GAD2: variants seen among roughly 807,000 people sequenced by gnomAD.
The protein encoded by GAD2 is 65 kDa glutamic acid decarboxylase.
Under a neutral mutation model 80.1 loss-of-function variants are expected in GAD2, and 22 were observed. The observed-to-expected ratio is 0.27, with a 90% CI of 0.20 to 0.39. The LOEUF is 0.39. Ranked by LOEUF, GAD2 falls within the 10% of genes least tolerant of loss-of-function variation. The pLI is 1.00. For synonymous variants in GAD2, 274 were observed against 256.9 expected, an observed-to-expected ratio of 1.07 and a Z score of -0.64; for missense variants, 624 against 738.4, an observed-to-expected ratio of 0.85 and a Z score of 1.80.
At chr10:26,293,059 C>A in intron 15 of GAD2, 68 bp downstream of exon 15, 1 of 1,288,618 alleles carries the variant, frequency 7.8e-7, no homozygotes, top group Non-Finnish European at 1.1e-6. Context: ...TTCTTTATGA[C>A]ATATGCCTGT....
chr10:26,224,013 T>A (rs754663214), intron 5 of GAD2, 36 bp downstream of exon 5: 1 of 1,402,666 alleles, frequency 7.1e-7, no homozygotes, highest in Admixed American at 1.7e-5. Flanking sequence ...TAATTTAGGA[T>A]AATTATTAGT....
rs1244095413 is a variant in GAD2, at chr10:26,300,975, C to A, written c.*14C>A. 6.2e-7 allele frequency: 1 copy of A among 1,605,012 alleles called. No individual in the cohort carries two copies. The highest frequency in any genetic ancestry group is 1.3e-5 in the African/African-American group (1 of 74,834). On this transcript the variant is annotated 3_prime_UTR_variant, in exon 16 of 16. Coordinates refer to ENST00000376261, the MANE Select transcript of GAD2 (RefSeq NM_001134366.2). ...CAAGATTTATAATAACCTTGCTCACCAAGCTGTTCCACTTCTCTAGGTAGA... is the reference window on the plus strand; with the variant it reads ...CAAGATTTATAATAACCTTGCTCACAAAGCTGTTCCACTTCTCTAGGTAGA...
intron 13 of GAD2, among the ~76,000 whole-genome samples, chr10:26,290,642 G>A (rs1359818513): frequency 1.3e-5 from 2 of 152,174 alleles, no homozygotes; most frequent in African/African-American, 4.8e-5. Context: ...CAAAAGCACT[G>A]TCTCTGGGGC....
intron 7 of GAD2, among the ~76,000 whole-genome samples, chr10:26,237,302 G>A (rs1564659199): frequency 6.6e-6 from 1 of 152,166 alleles, no homozygotes; most frequent in Non-Finnish European, 1.5e-5. Flanking sequence ...GATATATCCT[G>A]TGAGCTTTGG....
chr10:26,218,101 A>G (rs8190597), intron 3 of GAD2, 110 bp downstream of exon 3: 129,566 of 1,194,232 alleles, frequency 0.11, 13,941 homozygotes, highest in African/African-American at 0.55. Flanking sequence ...TCGAGGTGGC[A>G]GCGGAGGCGG....
At chr10:26,283,937 A>C (rs904075311) in intron 12 of GAD2, among the ~76,000 whole-genome samples, 6 of 152,212 alleles carry the variant, frequency 3.9e-5, no homozygotes, top group African/African-American at 1.2e-4. Flanking sequence ...TGACAGCAAA[A>C]TCAGAACATC....
intron 8 of GAD2, among the ~76,000 whole-genome samples, chr10:26,258,459 A>G (rs1162422859): frequency 3.9e-5 from 6 of 152,186 alleles, no homozygotes; most frequent in Non-Finnish European, 5.9e-5. Context: ...TTGTCGTGCA[A>G]CCATCATCAA....
intron 6 of GAD2, among the ~76,000 whole-genome samples, chr10:26,225,058 G>T (rs1844503646): frequency 6.6e-6 from 1 of 151,322 alleles, no homozygotes; most frequent in Non-Finnish European, 1.5e-5. Flanking sequence ...AGGGTGCATA[G>T]CAAGGTATAT....
chr10:26,216,766 C>A (rs1336781464), upstream of GAD2: 2 of 1,557,320 alleles, frequency 1.3e-6, no homozygotes, highest in Admixed American at 3.4e-5. This position sits in a 1 kb window ranked among gnomAD's most constrained non-coding sequence, Gnocchi z 4.7. Flanking sequence ...GCAGCTCGCC[C>A]GCAGCTCGCA....
intron 6 of GAD2, among the ~76,000 whole-genome samples, chr10:26,226,226 C>A (rs1844520679): frequency 6.6e-6 from 1 of 152,150 alleles, no homozygotes; most frequent in African/African-American, 2.4e-5. Flanking sequence ...CCTAATTTAC[C>A]TGGCTGGTCT....
At chr10:26,295,292 C>A (rs539798090) in intron 15 of GAD2, among the ~76,000 whole-genome samples, 1 of 152,186 alleles carries the variant, frequency 6.6e-6, no homozygotes, top group Admixed American at 6.5e-5. Context: ...CCGGGGATTG[C>A]AGAATGAATT....
chr10:26,234,408 T>A (rs1049237599), intron 7 of GAD2, among the ~76,000 whole-genome samples: 2 of 152,164 alleles, frequency 1.3e-5, no homozygotes, highest in African/African-American at 2.4e-5. Context: ...GGGGATACTT[T>A]GCCCATGGTG....
At chr10:26,218,726 GA>G (rs1844416423) in intron 3 of GAD2, among the ~76,000 whole-genome samples, 1 of 152,158 alleles carries the variant, frequency 6.6e-6, no homozygotes, top group Non-Finnish European at 1.5e-5. Context: ...GGTTTACTGA[GA>G]AACACGTTTA....
Position 26,286,368 on chromosome 10 carries a change from A to T in GAD2, c.1260A>T (p.Gln420His), listed in dbSNP as rs1266397210. ...REEGLMQNCNQMHASYLFQQD... is the reference protein window; with the variant it reads ...REEGLMQNCNHMHASYLFQQD... ...AGGGATTGATGCAGAATTGCAACCA[A>T]ATGCATGCCTCCTACCTCTTTCAGC... Residue 420 changes from glutamine to histidine, a missense_variant, in exon 13 of 16, where the codon CAA becomes CAT. Coordinates refer to ENST00000376261, the MANE Select transcript of GAD2 (RefSeq NM_001134366.2). 6.2e-7 allele frequency: 1 copy of T among 1,613,570 alleles called. No individual in the cohort carries two copies. Among genetic ancestry groups the T allele is most frequent in the African/African-American group, 1.3e-5 (1 of 74,910 alleles).
At chr10:26,286,562 A>C (rs1413835142) in intron 13 of GAD2, 68 bp downstream of exon 13, 1 of 1,431,394 alleles carries the variant, frequency 7.0e-7, no homozygotes, top group Non-Finnish European at 9.3e-7. Context: ...CCCATTATGA[A>C]ATGTCAAAAA....
chr10:26,279,919 G>A (rs1357908374), intron 11 of GAD2, among the ~76,000 whole-genome samples: 1 of 152,226 alleles, frequency 6.6e-6, no homozygotes, highest in Admixed American at 6.5e-5. Flanking sequence ...ACGCATCTGA[G>A]AAATTTGGAC....
At chr10:26,218,022 C>A (rs1167180955) in intron 3 of GAD2, 31 bp downstream of exon 3, 4 of 1,567,280 alleles carry the variant, frequency 2.6e-6, no homozygotes, top group Non-Finnish European at 3.5e-6. Context: ...CCCGGGGCGC[C>A]CCTGCCCCTC....
Position 26,219,240 on chromosome 10 carries a change from C to T in GAD2, c.484C>T (p.His162Tyr), listed in dbSNP as rs2132269053. ...ACAAAATTTGGAGGAAATTTTGATG[C>T]ATTGCCAAACAACTCTAAAATATGC... ...QPQNLEEILM[H>Y]CQTTLKYAIK... Residue 162 changes from histidine (H) to tyrosine (Y), a missense_variant, in exon 4 of 16, where the codon CAT becomes TAT. Physicochemically the swap from His to Tyr is moderately conservative, Grantham distance 83. Coordinates refer to ENST00000376261, the MANE Select transcript of GAD2 (RefSeq NM_001134366.2). The T allele has an allele frequency of 1.9e-6, 3 of 1,612,532 alleles. No homozygotes were observed. The highest frequency in any genetic ancestry group is 2.2e-5 in the East Asian group (1 of 44,838).
rs988967991 is a variant in GAD2, at chr10:26,301,147, CCT to C, written c.*191_*192del. The C allele has an allele frequency of 1.2e-5, 7 of 569,082 alleles. No individual in the cohort carries two copies. Among genetic ancestry groups the C allele is most frequent in the African/African-American group, 1.9e-5 (1 of 53,292 alleles). 35.3% of individuals were successfully genotyped at this position (569,082 alleles called of 1,614,324 possible). On this transcript the variant is annotated 3_prime_UTR_variant, in exon 16 of 16. Coordinates refer to ENST00000376261, the MANE Select transcript of GAD2 (RefSeq NM_001134366.2). ...AAAGTCCTTTCTTAAGTTTAGAATA[CCT>C]CTCTAAGAATTCGTGACAAAAGGCT...
Sources: allele counts gnomAD v4.1 joint callset (sites outside exome capture counted in the v4.1 genomes callset), GRCh38; gene constraint gnomAD v4.1.1; non-coding constraint Gnocchi (gnomAD v3.1); transcripts MANE v1.5; gene names NCBI Gene and HGNC (gene_info 2026-07-23, HGNC 2026-07-21).